The following STK17A variants were observed in gnomAD, a reference collection of about 807,000 sequenced individuals.
STK17A encodes the protein serine/threonine-protein kinase 17A.
A neutral mutation model predicts 43.7 loss-of-function variants in STK17A; 26 were observed. That is an observed-to-expected ratio of 0.60 (90% CI 0.44 to 0.83). The LOEUF is 0.83. STK17A is among the 40% of genes least tolerant of loss of function. The pLI, the probability that STK17A is intolerant of heterozygous loss-of-function variation, is 0.00. For synonymous variants in STK17A, 191 were observed against 182.5 expected (o/e 1.05, Z -0.38); for missense variants, 476 against 511.6 (o/e 0.93, Z 0.67).
rs1326773507 is a variant in STK17A, at chr7:43,583,114, C to T, written c.-130C>T. On this transcript the variant is annotated 5_prime_UTR_variant, in exon 1 of 7. Transcript: ENST00000319357. ...TACCGGTAGTCTGCCTGCCGCAGTCCGAGCGCCGCGCTGGGGAGAGCGGGT... is the reference window on the plus strand; with the variant it reads ...TACCGGTAGTCTGCCTGCCGCAGTCTGAGCGCCGCGCTGGGGAGAGCGGGT... The T allele has an allele frequency of 3.0e-6, 3 of 1,000,724 alleles. No homozygotes were observed. The highest frequency in any genetic ancestry group is 2.8e-6 in the Non-Finnish European group (2 of 702,802). 62.0% of individuals were successfully genotyped at this position (1,000,724 alleles called of 1,614,324 possible).
intron 3 of STK17A, among the ~76,000 whole-genome samples, chr7:43,616,766 G>A (rs1234519264): frequency 4.6e-5 from 7 of 151,692 alleles, no homozygotes; most frequent in Non-Finnish European, 2.9e-5. Context: ...GCGTGGTGGC[G>A]GGCTCCTGTA....
At chr7:43,612,044 T>A (rs889845334) in intron 3 of STK17A, among the ~76,000 whole-genome samples, 2 of 152,208 alleles carry the variant, frequency 1.3e-5, no homozygotes, top group Non-Finnish European at 2.9e-5. Flanking sequence ...GGAAATTATA[T>A]CCCTTTCTCC....
Position 43,594,935 on chromosome 7 carries a change from TA to T in STK17A, c.207-963del, listed in dbSNP as rs1186420345. 2.7e-5 allele frequency among the ~76,000 whole-genome samples: 4 copies of T among 149,104 alleles called. No homozygotes were observed. The East Asian group carries it at 7.9e-4, about 29-fold the overall frequency. ...AAAAATGAAACTAAAAGAGGTTAAATAAACCACCTAAGGTTACTGTCAAGTG... is the reference window on the plus strand; with the variant it reads ...AAAAATGAAACTAAAAGAGGTTAAATAACCACCTAAGGTTACTGTCAAGTG... On this transcript the variant is annotated intron_variant, in intron 1 of 6. Coordinates refer to ENST00000319357, the MANE Select transcript of STK17A (RefSeq NM_004760.3).
chr7:43,583,208 G>T lies in STK17A; in HGVS notation c.-36G>T. 6.4e-7 allele frequency: 1 copy of T among 1,551,988 alleles called. No individual in the cohort carries two copies. Among genetic ancestry groups the T allele is most frequent in the South Asian group, 1.2e-5 (1 of 85,700 alleles). On this transcript the variant is annotated 5_prime_UTR_variant, in exon 1 of 7. Transcript: ENST00000319357. Reference sequence around the variant, plus strand: ...CCGTGACCCTCCGGCTGCTCGGAGTGAACAGGCGGCCAGGAAAGAAGCGGG... The same window carrying T: ...CCGTGACCCTCCGGCTGCTCGGAGTTAACAGGCGGCCAGGAAAGAAGCGGG...
chr7:43,621,433 T>C (rs771030514), intron 4 of STK17A, among the ~76,000 whole-genome samples: 52 of 152,138 alleles, frequency 3.4e-4, no homozygotes, highest in Admixed American at 1.3e-4. Flanking sequence ...AAAATCAAAA[T>C]AGTAATTATT....
chr7:43,611,112 G>A (rs1036740229), intron 3 of STK17A, among the ~76,000 whole-genome samples: 5 of 152,172 alleles, frequency 3.3e-5, no homozygotes, highest in African/African-American at 9.7e-5. Context: ...ATGAGACTCC[G>A]TCTCAAAACA....
intron 2 of STK17A, among the ~76,000 whole-genome samples, chr7:43,606,030 ACTTC>A (rs1446490009): frequency 6.6e-6 from 1 of 151,642 alleles, no homozygotes; most frequent in Non-Finnish European, 1.5e-5. Context: ...TTTTTTTTCT[ACTTC>A]CTTTCCAATT....
At chr7:43,583,616 G>A (rs537870048) in intron 1 of STK17A, among the ~76,000 whole-genome samples, 167 bp downstream of exon 1, 138 of 152,306 alleles carry the variant, frequency 9.1e-4, no homozygotes, top group African/African-American at 3.1e-3. Flanking sequence ...AAGTAGGGCA[G>A]CCGAGTCGCA....
At chr7:43,619,091 T>C (rs1438552984) in intron 3 of STK17A, among the ~76,000 whole-genome samples, 2 of 152,220 alleles carry the variant, frequency 1.3e-5, no homozygotes, top group Non-Finnish European at 2.9e-5. Context: ...CAGTGCCCAG[T>C]GCTACAGAAA....
intron 4 of STK17A, chr7:43,623,315 G>A (rs1338232399): frequency 2.5e-6 from 1 of 393,926 alleles, no homozygotes; most frequent in Non-Finnish European, 4.5e-6. Flanking sequence ...TATGTTTGGT[G>A]TTTTTAAAAT....
chr7:43,617,279 A>T (rs1392883298), intron 3 of STK17A, among the ~76,000 whole-genome samples: 1 of 152,248 alleles, frequency 6.6e-6, no homozygotes, highest in Non-Finnish European at 1.5e-5. Flanking sequence ...GAAAGGGGAC[A>T]ACAGATCCAA....
At chr7:43,607,316 C>T (rs768063727) in intron 2 of STK17A, among the ~76,000 whole-genome samples, 5 of 152,042 alleles carry the variant, frequency 3.3e-5, no homozygotes, top group Non-Finnish European at 5.9e-5. Flanking sequence ...ATGTAAACTA[C>T]TTAAATTGTT....
chr7:43,616,133 C>A (rs541704412), intron 3 of STK17A, among the ~76,000 whole-genome samples: 1 of 152,280 alleles, frequency 6.6e-6, no homozygotes, highest in Admixed American at 6.5e-5. Context: ...ATGAGGAAAT[C>A]TTTTTACCCT....
chr7:43,626,405 AG>A lies in STK17A; in HGVS notation c.*1565del, dbSNP rs777312714. On this transcript the variant is annotated 3_prime_UTR_variant, in exon 7 of 7. Transcript: ENST00000319357. ...ACCTGGGAGTGCCCTTTACACCATT[AG>A]GTGAAATTCATCAGGCACTTCAGAC... 3 of 152,256 alleles carry A rather than the reference AG, an allele frequency of 2.0e-5. No individual in the cohort carries two copies. Among genetic ancestry groups the A allele is most frequent in the Non-Finnish European group, 4.4e-5 (3 of 68,050 alleles). 9.4% of individuals were successfully genotyped at this position (152,256 alleles called of 1,614,324 possible).
chr7:43,596,158 C>G, intron 2 of STK17A, 45 bp downstream of exon 2: 1 of 1,540,360 alleles, frequency 6.5e-7, no homozygotes, highest in Non-Finnish European at 8.8e-7. Flanking sequence ...GTAGTCTACA[C>G]TTCCTTTACG....
At position 43,591,267 on chromosome 7, in the gene STK17A, AT is replaced by A. The variant is rs536058512; in HGVS notation, c.207-4628del. On this transcript the variant is annotated intron_variant, in intron 1 of 6. Transcript: ENST00000319357. ...TGTTTTTACATTTTTTATGTTTTAC[AT>A]TTTTTAATAGTTAAAAAAATTAGAA... Among the ~76,000 whole-genome samples, 84 of 151,730 alleles carry A rather than the reference AT, an allele frequency of 5.5e-4. 2 individuals are homozygous for A. The highest frequency in any genetic ancestry group is 3.8e-4 in the Non-Finnish European group (26 of 67,676).
intron 1 of STK17A, among the ~76,000 whole-genome samples, chr7:43,594,264 G>GA (rs10624924): frequency 0.45 from 66,681 of 146,738 alleles, 16,565 homozygotes; most frequent in African/African-American, 0.67. Flanking sequence ...TCTCTTAAAG[G>GA]AAAAAAAAAA....
Position 43,626,148 on chromosome 7 carries a change from A to G in STK17A, c.*1306A>G, listed in dbSNP as rs2084510859. 1 of 151,660 alleles carries G rather than the reference A, an allele frequency of 6.6e-6. No homozygotes were observed. Among genetic ancestry groups the G allele is most frequent in the Admixed American group, 6.6e-5 (1 of 15,260 alleles). The allele number at this position is 151,660 out of a possible 1,614,324, so 9.4% of individuals were successfully genotyped here. On this transcript the variant is annotated 3_prime_UTR_variant, in exon 7 of 7. Transcript: ENST00000319357. ...CACCTGTGTGCTGTGTACCGTGGCC[A>G]TGCCTCGCTCTGCACTATGAACAAC...
chr7:43,626,464 CTTTA>C lies in STK17A; in HGVS notation c.*1628_*1631del, dbSNP rs1346477343. On this transcript the variant is annotated 3_prime_UTR_variant, in exon 7 of 7. Coordinates refer to ENST00000319357, the MANE Select transcript of STK17A (RefSeq NM_004760.3). Reference sequence around the variant, plus strand: ...TTGCACTGTTTTCTCACTAAATTGGCTTTATTTATACAGTTTCCTGGAACCTAGC... The same window carrying C: ...TTGCACTGTTTTCTCACTAAATTGGCTTTATACAGTTTCCTGGAACCTAGC... 1.3e-5 allele frequency: 2 copies of C among 152,274 alleles called. No homozygotes were observed. The highest frequency in any genetic ancestry group is 3.9e-4 in the East Asian group (2 of 5,184). The allele number at this position is 152,274 out of a possible 1,614,324, so 9.4% of individuals were successfully genotyped here.
Sources: allele counts gnomAD v4.1 joint callset (sites outside exome capture counted in the v4.1 genomes callset), GRCh38; gene constraint gnomAD v4.1.1; transcripts MANE v1.5; gene names NCBI Gene and HGNC (gene_info 2026-07-23, HGNC 2026-07-21).